TBX10: variants seen among roughly 807,000 people sequenced by gnomAD.
TBX10 encodes the protein T-box transcription factor TBX10.
A neutral mutation model predicts 32.4 loss-of-function variants in TBX10; 26 were observed. That is an observed-to-expected ratio of 0.80 (90% CI 0.59 to 1.11). TBX10 has a LOEUF of 1.11. Among genes scored for constraint, TBX10 ranks in the 50% most tolerant of loss-of-function variants. The pLI is 0.00. For missense variants in TBX10, 490 were observed against 494.5 expected (o/e 0.99, Z 0.09); for synonymous variants, 195 against 203.1 (o/e 0.96, Z 0.34).
rs1175292834 is a variant in TBX10, at chr11:67,639,700, G to A, written c.-228C>T. ...TACTCGAGCTGGACCCCTGGTCTCC[G>A]AAGGTGAGATGCAGGCTCTGGGGCG... On this transcript the variant is annotated 5_prime_UTR_variant, in exon 1 of 8. Transcript: ENST00000335385. The A allele has an allele frequency of 4.0e-5, 26 of 643,936 alleles. No individual in the cohort carries two copies. Among genetic ancestry groups the A allele is most frequent in the South Asian group, 1.6e-4 (9 of 56,748 alleles). 39.9% of individuals were successfully genotyped at this position (643,936 alleles called of 1,614,324 possible).
rs760517381 is a variant in TBX10, at chr11:67,635,207, T to A, written c.64A>T (p.Thr22Ser). 6.2e-7 allele frequency: 1 copy of A among 1,613,668 alleles called. No individual in the cohort carries two copies. Among genetic ancestry groups the A allele is most frequent in the Non-Finnish European group, 8.5e-7 (1 of 1,179,992 alleles). ...LAPSETYPLPTTSSGWEPRLG... is the reference protein window; with the variant it reads ...LAPSETYPLPSTSSGWEPRLG... The stretch of plus-strand genomic sequence containing the variant: ...CGGGGCTCCCAGCCAGAGCTGGTTG[T>A]AGGTAGGGGGTAGGTCTCTGAGGGT... The change falls in exon 2 of 8, where the codon ACA becomes TCA. Residue 22 changes from threonine (T) to serine (S), a missense_variant. Thr to Ser is a moderately conservative substitution (Grantham distance 58, BLOSUM62 1). Around this residue, in one of 3 missense-constraint regions of TBX10, gnomAD observed 307 missense variants for 294.9 expected, o/e 1.04. Coordinates refer to ENST00000335385, the MANE Select transcript of TBX10 (RefSeq NM_005995.5).
chr11:67,632,876 C>T, intron 5 of TBX10, 72 bp downstream of exon 5: 1 of 1,612,090 alleles, frequency 6.2e-7, no homozygotes, highest in South Asian at 1.1e-5. Context: ...GTGAGGGCTG[C>T]AAGCCTCAGG....
At chr11:67,634,444 G>A (rs1401892731) in intron 3 of TBX10, 84 bp from the exon 4 acceptor site, 27 of 1,517,612 alleles carry the variant, frequency 1.8e-5, no homozygotes, top group Non-Finnish European at 2.1e-5. Flanking sequence ...GGCTGCTGCC[G>A]ACTCCAACAC....
intron 1 of TBX10, among the ~76,000 whole-genome samples, chr11:67,637,401 T>C (rs898300301): frequency 6.6e-6 from 1 of 152,222 alleles, no homozygotes; most frequent in African/African-American, 2.4e-5. Context: ...CCAGCAGCTT[T>C]GCCATGAGAG....
chr11:67,635,332 C>T, intron 1 of TBX10, 69 bp from the exon 2 acceptor site: 4 of 1,601,856 alleles, frequency 2.5e-6, no homozygotes, highest in Non-Finnish European at 3.4e-6. Context: ...CAGGCTGCAC[C>T]TATATGCCTC....
At position 67,634,902 on chromosome 11, in the gene TBX10, G is replaced by T. The variant is rs144542807; in HGVS notation, c.291C>A (p.Pro97=). 1.6e-5 allele frequency: 26 copies of T among 1,612,078 alleles called. No individual in the cohort carries two copies. Among genetic ancestry groups the T allele is most frequent in the South Asian group, 2.2e-5 (2 of 91,032 alleles). The change falls in exon 3 of 8, where the codon CCC becomes CCA. Residue 97 remains proline (P), a synonymous_variant. Coordinates refer to ENST00000335385, the MANE Select transcript of TBX10 (RefSeq NM_005995.5). The part of the protein sequence containing the change: ...VTKAGRRMFP[P]FQVKILGMDS... ...CCATGCCCAGGATCTTCACCTGGAA[G>T]GGGGGGAACATCCTCCTGCGGGAGG...
chr11:67,639,405 C>A, intron 1 of TBX10, 61 bp downstream of exon 1: 1 of 1,080,608 alleles, frequency 9.3e-7, no homozygotes, highest in East Asian at 2.5e-5. Context: ...CCACCCTGCC[C>A]ACCCACCCTG....
intron 4 of TBX10, among the ~76,000 whole-genome samples, chr11:67,633,925 G>A (rs1855279276): frequency 6.6e-6 from 1 of 152,166 alleles, no homozygotes; most frequent in Non-Finnish European, 1.5e-5. Context: ...GCCTAGGCTG[G>A]GCGTTCCATA....
Position 67,634,360 on chromosome 11 carries a change from C to G in TBX10, c.378G>C (p.Arg126Ser), listed in dbSNP as rs150470556. ...GCCAGGCCGAGCTGTGGAAGGCATA[C>G]CTGGGGAGCACAGCGAGGTGGTGAG... ...DFIPLDDKRY[R>S]YAFHSSAWLV... Residue 126 changes from arginine (R) to serine (S), a missense_variant and splice_region_variant, in exon 4 of 8, where the codon AGG becomes AGC. Arg to Ser is a moderately radical substitution (Grantham distance 110). This residue lies in a region of TBX10 where 307 missense variants were observed against 294.9 expected (regional missense o/e 1.04). Coordinates refer to ENST00000335385, the MANE Select transcript of TBX10 (RefSeq NM_005995.5). The G allele has an allele frequency of 6.2e-7, 1 of 1,602,046 alleles. No homozygotes were observed. The highest frequency in any genetic ancestry group is 1.3e-5 in the African/African-American group (1 of 74,936).
intron 7 of TBX10, 94 bp downstream of exon 7, chr11:67,632,224 G>A: frequency 7.0e-7 from 1 of 1,427,924 alleles, no homozygotes; most frequent in Non-Finnish European, 9.9e-7. Flanking sequence ...GGTTCGCTGA[G>A]CTGCTGAAGC....
chr11:67,634,332 C>A lies in TBX10; in HGVS notation c.406G>T (p.Val136Leu). 2 of 1,605,914 alleles carry A rather than the reference C, an allele frequency of 1.2e-6. No homozygotes were observed. The highest frequency in any genetic ancestry group is 8.5e-7 in the Non-Finnish European group (1 of 1,179,822). Residue 136 changes from valine to leucine, a missense_variant, in exon 4 of 8, where the codon GTG (valine) becomes TTG (leucine). By Grantham distance (32) the Val-to-Leu change is conservative. This residue lies in a region of TBX10 where 307 missense variants were observed against 294.9 expected (regional missense o/e 1.04). Coordinates refer to ENST00000335385, the MANE Select transcript of TBX10 (RefSeq NM_005995.5). ...GTGGCTGGGTCTGCCTTGCCCGCCA[C>A]CAGCCAGGCCGAGCTGTGGAAGGCA... ...RYAFHSSAWL[V>L]AGKADPATPG...
At chr11:67,632,181 T>C in intron 7 of TBX10, 137 bp downstream of exon 7, 1 of 1,069,934 alleles carries the variant, frequency 9.3e-7, no homozygotes, top group Non-Finnish European at 1.4e-6. Flanking sequence ...CATGTCTGCT[T>C]CCCCCTCCGT....
chr11:67,639,393 T>TGG, intron 1 of TBX10, 73 bp downstream of exon 1: 95 of 726,718 alleles, frequency 1.3e-4, no homozygotes, highest in Non-Finnish European at 1.5e-4. Context: ...CTGTCTTGGT[T>TGG]CCCACCCTGC....
At chr11:67,632,045 C>T in intron 7 of TBX10, 151 bp from the exon 8 acceptor site, 6 of 1,224,934 alleles carry the variant, frequency 4.9e-6, no homozygotes, top group East Asian at 2.5e-5. Flanking sequence ...ATTTCTTCTT[C>T]ACCTTCTCCC....
intron 4 of TBX10, 106 bp from the exon 5 acceptor site, chr11:67,633,209 C>T: frequency 7.1e-7 from 1 of 1,403,340 alleles, no homozygotes; most frequent in Non-Finnish European, 9.8e-7. Flanking sequence ...GGGCCTGCCA[C>T]CCTGTTCCTT....
At chr11:67,635,623 ATGCACAGGGGCTGG>A (rs1430747078) in intron 1 of TBX10, among the ~76,000 whole-genome samples, 1 of 146,294 alleles carries the variant, frequency 6.8e-6, no homozygotes, top group African/African-American at 2.5e-5. Context: ...ATTAGTGACC[ATGCACAGGGGCTGG>A]TGCACAGGGG....
At position 67,634,325 on chromosome 11, in the gene TBX10, C is replaced by T. The variant is rs765317926; in HGVS notation, c.413G>A (p.Gly138Asp). The change falls in exon 4 of 8, where the codon GGC (glycine) becomes GAC (aspartate). Residue 138 changes from glycine to aspartate, a missense_variant. Physicochemically the swap from Gly to Asp is moderately conservative, Grantham distance 94 (BLOSUM62 -1). This residue lies in a region of TBX10 where 307 missense variants were observed against 294.9 expected (regional missense o/e 1.04). Coordinates refer to ENST00000335385, the MANE Select transcript of TBX10 (RefSeq NM_005995.5). ...GCCAGGTGTGGCTGGGTCTGCCTTG[C>T]CCGCCACCAGCCAGGCCGAGCTGTG... Reference protein sequence around the residue: ...AFHSSAWLVAGKADPATPGRV... With the variant: ...AFHSSAWLVADKADPATPGRV... 3.1e-6 allele frequency: 5 copies of T among 1,607,184 alleles called. No homozygotes were observed. The highest frequency in any genetic ancestry group is 1.7e-4 in the Middle Eastern group (1 of 6,060).
intron 1 of TBX10, among the ~76,000 whole-genome samples, 190 bp downstream of exon 1, chr11:67,639,276 C>A (rs1187615863): frequency 6.6e-6 from 1 of 152,160 alleles, no homozygotes; most frequent in Non-Finnish European, 1.5e-5. Flanking sequence ...CTGGCATCTC[C>A]CATAATTGCA....
upstream of TBX10, among the ~76,000 whole-genome samples, chr11:67,640,621 G>C (rs1387257435): frequency 6.6e-6 from 1 of 152,230 alleles, no homozygotes; most frequent in South Asian, 2.1e-4. Flanking sequence ...CCCCTGAGAG[G>C]CTGCCAGTTC....
Sources: gnomAD v4.1 joint callset for allele counts (sites outside exome capture counted in the v4.1 genomes callset) on GRCh38, gnomAD v4.1.1 for gene constraint, gnomAD v4.1.1 regional missense constraint, MANE v1.5 for transcripts, NCBI Gene and HGNC (gene_info 2026-07-23, HGNC 2026-07-21) for gene names.